Variants in TRIM16 observed in about 807,000 individuals in gnomAD.
TRIM16 encodes the protein tripartite motif-containing protein 16.
A neutral mutation model predicts 50.4 loss-of-function variants in TRIM16; 33 were observed. The observed-to-expected ratio is 0.65, with a 90% CI of 0.50 to 0.88. TRIM16 has a LOEUF of 0.88. Among genes scored for constraint, TRIM16 ranks in the 40% least tolerant of loss-of-function variants. TRIM16 has a pLI of 0.00. For synonymous variants in TRIM16, 229 were observed against 270.7 expected, an observed-to-expected ratio of 0.85 and a Z score of 1.51; for missense variants, 581 against 686.8, an observed-to-expected ratio of 0.85 and a Z score of 1.72.
chr17:15,650,755 C>G (rs1292443424), intron 7 of TRIM16, among the ~76,000 whole-genome samples: 1 of 152,068 alleles, frequency 6.6e-6, no homozygotes, highest in Non-Finnish European at 1.5e-5. Context: ...GCCCTAAGCC[C>G]CCACAACTTC....
At chr17:15,633,636 G>C (rs887393852) in intron 9 of TRIM16, among the ~76,000 whole-genome samples, 6 of 145,748 alleles carry the variant, frequency 4.1e-5, no homozygotes, top group African/African-American at 1.5e-4. Flanking sequence ...TGCCTGCTAG[G>C]TTCAAGCGAT....
intron 11 of TRIM16, among the ~76,000 whole-genome samples, chr17:15,631,405 T>A (rs1280256960): frequency 6.6e-6 from 1 of 152,238 alleles, no homozygotes; most frequent in Non-Finnish European, 1.5e-5. Flanking sequence ...TGGGAATTCT[T>A]TGTCTTAGTT....
Position 15,631,634 on chromosome 17 carries a change from C to A in TRIM16, c.1096G>T (p.Glu366Ter), listed in dbSNP as rs753430951. The change falls in exon 11 of 12, where the codon GAA (glutamate) becomes TAA (stop). Residue 366 changes from glutamate to a stop codon, truncating the protein, a stop_gained. Transcript: ENST00000649191. LOFTEE classifies it high-confidence loss of function. ...WTSKPEPSTR[E>*]QFLQYAYDIT... ...CACAACTTACATTGGAGGAACTGTT[C>A]CCTGGTGCTGGGCTCAGGTTTGGAA... 4 of 1,613,802 alleles carry A rather than the reference C, an allele frequency of 2.5e-6. No individual in the cohort carries two copies. In the East Asian group the frequency reaches 8.9e-5, roughly 36 times the overall value.
chr17:15,659,345 C>T (rs1261546341), intron 6 of TRIM16, among the ~76,000 whole-genome samples: 4 of 152,178 alleles, frequency 2.6e-5, no homozygotes, highest in Non-Finnish European at 5.9e-5. Context: ...TTGATCACTT[C>T]TCAGACCACC....
chr17:15,652,502 C>T (rs535844700), intron 6 of TRIM16, among the ~76,000 whole-genome samples: 3 of 119,684 alleles, frequency 2.5e-5, no homozygotes, highest in East Asian at 2.7e-4. Context: ...CTCACTCTGT[C>T]GCCCAGGCTG....
chr17:15,681,122 T>C (rs1042248277), intron 3 of TRIM16, 169 bp from the exon 4 acceptor site: 12 of 572,078 alleles, frequency 2.1e-5, no homozygotes, highest in African/African-American at 3.9e-5. Context: ...TCTCAGAGGA[T>C]AGAATGAACA....
intron 6 of TRIM16, among the ~76,000 whole-genome samples, chr17:15,669,414 T>G (rs1988633320): frequency 6.6e-6 from 1 of 152,052 alleles, no homozygotes. Context: ...AGTATAATGT[T>G]GAAAGTTATA....
At chr17:15,656,929 TA>T (rs1419069990) in intron 6 of TRIM16, among the ~76,000 whole-genome samples, 1 of 151,876 alleles carries the variant, frequency 6.6e-6, no homozygotes, top group African/African-American at 2.4e-5. Context: ...GGCTAATTTG[TA>T]AGTTTTTAAA....
At chr17:15,663,196 G>A (rs188525119) in intron 6 of TRIM16, among the ~76,000 whole-genome samples, 1 of 152,144 alleles carries the variant, frequency 6.6e-6, no homozygotes, top group East Asian at 1.9e-4. Context: ...CTCTGGATAC[G>A]TCCATTTGTC....
intron 9 of TRIM16, 167 bp from the exon 10 acceptor site, chr17:15,632,841 A>T: frequency 7.7e-6 from 7 of 905,310 alleles, no homozygotes; most frequent in Non-Finnish European, 9.4e-6. Flanking sequence ...ACAAAATAGA[A>T]AGCACTTCTC....
intron 9 of TRIM16, 116 bp downstream of exon 9, chr17:15,635,920 C>T (rs1986712015): frequency 2.2e-6 from 2 of 917,554 alleles, no homozygotes; most frequent in African/African-American, 1.8e-5. Flanking sequence ...CCCACTGCTC[C>T]CTGTGCACAC....
At position 15,631,701 on chromosome 17, in the gene TRIM16, G is replaced by A; in HGVS notation, c.1029C>T (p.Ile343=). The change falls in exon 11 of 12, where the codon ATC becomes ATT. Residue 343 remains isoleucine (I), a synonymous_variant. Transcript: ENST00000649191. The stretch of plus-strand genomic sequence containing the variant: ...GAACAACGGCAGACACTTGAGTTCT[G>A]ATGTCATACTCCTCTAGAAAATCAA... ...QEFSKEEEYD[I]RTQVSAVVQR... 1 of 1,613,934 alleles carries A rather than the reference G, an allele frequency of 6.2e-7. No individual in the cohort carries two copies. The highest frequency in any genetic ancestry group is 8.5e-7 in the Non-Finnish European group (1 of 1,179,858).
intron 6 of TRIM16, among the ~76,000 whole-genome samples, chr17:15,668,244 C>T (rs1988582432): frequency 6.6e-6 from 1 of 152,148 alleles, no homozygotes; most frequent in African/African-American, 2.4e-5. Flanking sequence ...TGGGGTTCAC[C>T]TCATGAGTTT....
At chr17:15,670,908 T>C (rs1320531165) in intron 6 of TRIM16, among the ~76,000 whole-genome samples, 1 of 152,270 alleles carries the variant, frequency 6.6e-6, no homozygotes, top group Non-Finnish European at 1.5e-5. Flanking sequence ...CAAATGAATA[T>C]TGTCTAATGT....
chr17:15,637,115 TGG>T (rs570385958), intron 8 of TRIM16, among the ~76,000 whole-genome samples: 2,434 of 67,156 alleles, frequency 0.036, 98 homozygotes, highest in African/African-American at 0.11. Context: ...GGGAGGGAGG[TGG>T]GGGGGGGGGG....
rs1461866349 is a variant in TRIM16, at chr17:15,631,684, G to A, written c.1046C>T (p.Ala349Val). The stretch of plus-strand genomic sequence containing the variant: ...AGTCCAATATTTGCGCTGAACAACG[G>A]CAGACACTTGAGTTCTGATGTCATA... ...EEYDIRTQVS[A>V]VVQRKYWTSK... is the part of the protein sequence containing the mutation. Residue 349 changes from alanine to valine, a missense_variant, in exon 11 of 12, where the codon GCC becomes GTC. Coordinates refer to ENST00000649191, the MANE Select transcript of TRIM16 (RefSeq NM_001348119.1). 4 of 1,613,806 alleles carry A rather than the reference G, an allele frequency of 2.5e-6. No homozygotes were observed. The highest frequency in any genetic ancestry group is 3.4e-6 in the Non-Finnish European group (4 of 1,179,864).
intron 6 of TRIM16, among the ~76,000 whole-genome samples, chr17:15,676,279 G>A (rs1272341553): frequency 1.3e-5 from 2 of 152,122 alleles, no homozygotes; most frequent in East Asian, 3.9e-4. Flanking sequence ...AAGAACCACT[G>A]GTTTAGACTT....
chr17:15,670,419 G>A (rs549212825), intron 6 of TRIM16, among the ~76,000 whole-genome samples: 25 of 152,230 alleles, frequency 1.6e-4, no homozygotes, highest in African/African-American at 4.3e-4. Context: ...ACGTCGAAGC[G>A]TCCCTATGCC....
intron 6 of TRIM16, among the ~76,000 whole-genome samples, chr17:15,659,084 G>C (rs1262417158): frequency 1.3e-5 from 2 of 151,902 alleles, no homozygotes; most frequent in Non-Finnish European, 2.9e-5. Flanking sequence ...ACAAAGACAG[G>C]AGGACACACC....
Sources: gnomAD v4.1 joint callset for allele counts (sites outside exome capture counted in the v4.1 genomes callset) on GRCh38, gnomAD v4.1.1 for gene constraint, MANE v1.5 for transcripts, NCBI Gene and HGNC (gene_info 2026-07-23, HGNC 2026-07-21) for gene names.